Variants in KCNMB2 observed in about 807,000 individuals in gnomAD.
KCNMB2 encodes potassium calcium-activated channel subfamily M regulatory beta subunit 2.
Under a neutral mutation model 24.5 loss-of-function variants are expected in KCNMB2, and 9 were observed. That is an observed-to-expected ratio of 0.37 (90% confidence interval 0.22 to 0.64). The LOEUF is 0.64. Among genes scored for constraint, KCNMB2 ranks in the 30% least tolerant of loss-of-function variants. The pLI, the probability that KCNMB2 is intolerant of heterozygous loss-of-function variation, is 0.63. For missense variants in KCNMB2, 226 were observed against 284.3 expected (o/e 0.79, Z 1.47); for synonymous variants, 109 against 104.4 (o/e 1.04, Z -0.27).
chr3:178,731,989 A>T (rs1277609351), intron 1 of KCNMB2, among the ~76,000 whole-genome samples: 2 of 152,200 alleles, frequency 1.3e-5, no homozygotes, highest in East Asian at 3.8e-4. Flanking sequence ...TTATTAGACA[A>T]TGCCAGAAGA....
At chr3:178,781,339 C>T (rs150387496) in intron 1 of KCNMB2, among the ~76,000 whole-genome samples, 1 of 151,952 alleles carries the variant, frequency 6.6e-6, no homozygotes, top group Admixed American at 6.6e-5. Context: ...CGCCTGTAAT[C>T]CCAGCACTTT....
chr3:178,751,711 T>A (rs902879275), intron 1 of KCNMB2, among the ~76,000 whole-genome samples: 8 of 151,408 alleles, frequency 5.3e-5, no homozygotes, highest in African/African-American at 1.9e-4. Context: ...TTGGAGAGTG[T>A]GCTAGAATTA....
chr3:178,554,690 T>G (rs1242880479), intron 1 of KCNMB2, among the ~76,000 whole-genome samples: 1 of 152,226 alleles, frequency 6.6e-6, no homozygotes, highest in Non-Finnish European at 1.5e-5. Flanking sequence ...TTTGCATTAT[T>G]TCTATGAAAT....
intron 1 of KCNMB2, among the ~76,000 whole-genome samples, chr3:178,800,941 A>G (rs990980416): frequency 6.6e-6 from 1 of 152,176 alleles, no homozygotes; most frequent in African/African-American, 2.4e-5. Context: ...CAAAGTTCAC[A>G]TGGTCTCACT....
intron 1 of KCNMB2, among the ~76,000 whole-genome samples, chr3:178,802,294 T>A (rs1016615080): frequency 6.6e-6 from 1 of 152,184 alleles, no homozygotes; most frequent in Non-Finnish European, 1.5e-5. Context: ...GTTAGGCATA[T>A]AAGTATGTGT....
chr3:178,719,075 T>C (rs1397477117), intron 1 of KCNMB2, among the ~76,000 whole-genome samples: 1 of 152,252 alleles, frequency 6.6e-6, no homozygotes, highest in Non-Finnish European at 1.5e-5. Context: ...TGCATCAGTC[T>C]GGATCTATTA....
intron 1 of KCNMB2, among the ~76,000 whole-genome samples, chr3:178,587,355 G>T (rs1421744832): frequency 6.6e-6 from 1 of 152,154 alleles, no homozygotes; most frequent in African/African-American, 2.4e-5. Context: ...GAGGGTGGAA[G>T]AAGGACCCCT....
At chr3:178,708,829 AGT>A (rs1559983679) in intron 1 of KCNMB2, among the ~76,000 whole-genome samples, 1 of 152,156 alleles carries the variant, frequency 6.6e-6, no homozygotes. Context: ...TTTGAACCTA[AGT>A]GTGTCTGGTT....
chr3:178,710,285 C>T (rs1722407088), intron 1 of KCNMB2, among the ~76,000 whole-genome samples: 1 of 152,080 alleles, frequency 6.6e-6, no homozygotes, highest in South Asian at 2.1e-4. Flanking sequence ...CTTTTCAGGG[C>T]CCAGAGGTAT....
intron 4 of KCNMB2, among the ~76,000 whole-genome samples, chr3:178,838,573 A>C (rs1232992181): frequency 2.9e-3 from 436 of 149,196 alleles, no homozygotes; most frequent in Non-Finnish European, 3.6e-3. Flanking sequence ...AGCTCAGCAA[A>C]AAAAAAAAAA....
At chr3:178,587,293 C>A (rs1277063597) in intron 1 of KCNMB2, among the ~76,000 whole-genome samples, 2 of 152,062 alleles carry the variant, frequency 1.3e-5, no homozygotes, top group Non-Finnish European at 2.9e-5. Context: ...AATTTTCCAG[C>A]AGAAATGGAT....
intron 1 of KCNMB2, among the ~76,000 whole-genome samples, chr3:178,589,828 C>T (rs1012671652): frequency 9.2e-5 from 14 of 152,104 alleles, no homozygotes; most frequent in African/African-American, 2.9e-4. Flanking sequence ...AAACTTTGGA[C>T]GCAGAGTAAT....
chr3:178,645,112 G>A (rs905292144), intron 1 of KCNMB2, among the ~76,000 whole-genome samples: 4 of 142,162 alleles, frequency 2.8e-5, no homozygotes, highest in East Asian at 2.1e-4. Flanking sequence ...GTGCAATGGC[G>A]CAATCTCGGC....
chr3:178,736,080 TG>T (rs1723307531), intron 1 of KCNMB2, among the ~76,000 whole-genome samples: 1 of 152,172 alleles, frequency 6.6e-6, no homozygotes, highest in African/African-American at 2.4e-5. Flanking sequence ...AGGATTGCCC[TG>T]GGATTCCAGA....
intron 1 of KCNMB2, among the ~76,000 whole-genome samples, chr3:178,538,112 A>G (rs994900291): frequency 2.0e-5 from 3 of 152,208 alleles, no homozygotes; most frequent in Non-Finnish European, 2.9e-5. Context: ...ACTGTAATCC[A>G]CATACAAAGT....
At chr3:178,818,089 A>G (rs1403075475) in intron 2 of KCNMB2, among the ~76,000 whole-genome samples, 1 of 152,166 alleles carries the variant, frequency 6.6e-6, no homozygotes, top group Non-Finnish European at 1.5e-5. Context: ...TGCATCCACC[A>G]GGTGCCCCAT....
chr3:178,671,352 T>G (rs1249342340), intron 1 of KCNMB2, among the ~76,000 whole-genome samples: 2 of 152,128 alleles, frequency 1.3e-5, no homozygotes, highest in Non-Finnish European at 2.9e-5. Context: ...ATGTTTTGAT[T>G]CAAACTCTCC....
intron 1 of KCNMB2, among the ~76,000 whole-genome samples, chr3:178,799,804 G>T (rs1247020976): frequency 6.6e-6 from 1 of 152,000 alleles, no homozygotes. Context: ...AACCAAAACA[G>T]CATGGCACTG....
chr3:178,608,721 A>G (rs1303557025), intron 1 of KCNMB2, among the ~76,000 whole-genome samples: 1 of 152,062 alleles, frequency 6.6e-6, no homozygotes, highest in Non-Finnish European at 1.5e-5. Context: ...TGGGTCCATG[A>G]GTTCAATTGT....
Sources: gnomAD v4.1 joint callset for allele counts (sites outside exome capture counted in the v4.1 genomes callset) on GRCh38, gnomAD v4.1.1 for gene constraint, MANE v1.5 for transcripts, NCBI Gene and HGNC (gene_info 2026-07-23, HGNC 2026-07-21) for gene names.